The following CYP20A1 variants were observed in gnomAD, a reference collection of about 807,000 sequenced individuals.
CYP20A1 encodes cytochrome P450 family 20 subfamily A member 1.
In CYP20A1, 61 loss-of-function variants were observed where a neutral mutation model predicts 61.4. The ratio of observed to expected loss-of-function variants is 0.99; its 90% CI spans 0.81 to 1.23. CYP20A1 has a LOEUF of 1.23. Ranked by LOEUF, CYP20A1 falls within the 50% of genes most tolerant of loss-of-function variation. CYP20A1 has a pLI of 0.00. For synonymous variants in CYP20A1, 193 were observed against 188.2 expected, an observed-to-expected ratio of 1.03 and a Z score of -0.21; for missense variants, 530 against 542.4, an observed-to-expected ratio of 0.98 and a Z score of 0.23.
At chr2:203,249,674 GTC>G (rs749505147) in intron 3 of CYP20A1, among the ~76,000 whole-genome samples, 1 of 151,852 alleles carries the variant, frequency 6.6e-6, no homozygotes, top group Non-Finnish European at 1.5e-5. Context: ...GTGAAACCCC[GTC>G]TCTACTAAAA....
chr2:203,280,963 T>G (rs1016293238), intron 8 of CYP20A1, among the ~76,000 whole-genome samples: 2 of 152,162 alleles, frequency 1.3e-5, no homozygotes, highest in Non-Finnish European at 2.9e-5. Flanking sequence ...TGCTTTCCAC[T>G]TTGACTCCAA....
chr2:203,245,937 C>T (rs778734395), intron 2 of CYP20A1, 42 bp downstream of exon 2: 1 of 1,270,806 alleles, frequency 7.9e-7, no homozygotes, highest in African/African-American at 1.5e-5. Flanking sequence ...GTTAATTCTT[C>T]ATTATTGATA....
chr2:203,263,999 G>A (rs1008260795), intron 4 of CYP20A1, among the ~76,000 whole-genome samples: 4 of 151,900 alleles, frequency 2.6e-5, no homozygotes, highest in Admixed American at 1.3e-4. Flanking sequence ...TGTGGGGGGC[G>A]TGGGTGTTTT....
chr2:203,252,930 G>A (rs142408253), intron 4 of CYP20A1, among the ~76,000 whole-genome samples: 36 of 152,126 alleles, frequency 2.4e-4, no homozygotes, highest in Non-Finnish European at 4.6e-4. Context: ...GGTGGTGAGA[G>A]TGGCCACCCA....
Position 203,278,575 on chromosome 2 carries a change from C to T in CYP20A1, c.682C>T (p.Leu228Phe), listed in dbSNP as rs2067917105. ...MTRKKQYEDA[L>F]MQLESVLRNI... is the part of the protein sequence containing the mutation. ...ATTATTTTGTTTTTTTCTCTAAGCC[C>T]TCATGCAACTGGAGTCTGTTTTAAG... Residue 228 changes from leucine to phenylalanine, a missense_variant and splice_region_variant, in exon 7 of 13, where the codon CTC (leucine) becomes TTC (phenylalanine). Leu to Phe is a conservative substitution (Grantham distance 22, BLOSUM62 0). Transcript: ENST00000356079. 2.0e-6 allele frequency: 3 copies of T among 1,530,378 alleles called. No individual in the cohort carries two copies. The highest frequency in any genetic ancestry group is 2.8e-5 in the African/African-American group (2 of 71,702). The allele number at this position is 1,530,378 out of a possible 1,614,324, so 94.8% of individuals were successfully genotyped here.
intron 11 of CYP20A1, among the ~76,000 whole-genome samples, chr2:203,295,330 G>A (rs1178431650): frequency 6.6e-5 from 10 of 151,304 alleles, no homozygotes; most frequent in South Asian, 2.1e-4. Context: ...CCACCTTGGC[G>A]TCACAAAGTG....
intron 3 of CYP20A1, among the ~76,000 whole-genome samples, chr2:203,249,813 C>G (rs771330890): frequency 5.3e-5 from 8 of 152,090 alleles, no homozygotes; most frequent in Non-Finnish European, 1.0e-4. Context: ...CCATTGCACT[C>G]CAACCTGGAT....
intron 11 of CYP20A1, among the ~76,000 whole-genome samples, chr2:203,295,364 T>C (rs371846100): frequency 6.6e-6 from 1 of 152,152 alleles, no homozygotes; most frequent in East Asian, 1.9e-4. Flanking sequence ...CGTGAGCCAC[T>C]GTGTCCAGCC....
At chr2:203,282,311 C>T (rs757506768) in intron 8 of CYP20A1, among the ~76,000 whole-genome samples, 6 of 151,970 alleles carry the variant, frequency 3.9e-5, no homozygotes, top group Non-Finnish European at 5.9e-5. Flanking sequence ...AGTCGTGAGC[C>T]ACCACGTCCT....
At chr2:203,260,631 GC>G (rs1476202133) in intron 4 of CYP20A1, among the ~76,000 whole-genome samples, 1 of 152,156 alleles carries the variant, frequency 6.6e-6, no homozygotes. Flanking sequence ...TGATCCTCCA[GC>G]CTCAGCCTCC....
chr2:203,296,490 T>A lies in CYP20A1; in HGVS notation c.1165T>A (p.Phe389Ile). The A allele has an allele frequency of 6.2e-7, 1 of 1,611,764 alleles. No individual in the cohort carries two copies. Among genetic ancestry groups the A allele is most frequent in the South Asian group, 1.1e-5 (1 of 90,674 alleles). ...TCTTTGTAGGTTTGATCCAGATCGG[T>A]TTGATGATGAATTAGTAATGAAAAC... Reference protein sequence around the residue: ...PSPHKFDPDRFDDELVMKTFS... With the variant: ...PSPHKFDPDRIDDELVMKTFS... The change falls in exon 12 of 13, where the codon TTT becomes ATT. Residue 389 changes from phenylalanine (F) to isoleucine (I), a missense_variant. Transcript: ENST00000356079.
intron 4 of CYP20A1, among the ~76,000 whole-genome samples, chr2:203,252,964 C>T (rs2066750799): frequency 6.6e-6 from 1 of 151,978 alleles, no homozygotes; most frequent in Non-Finnish European, 1.5e-5. Context: ...GGTGGCGAGC[C>T]ATTTTCGTCA....
intron 4 of CYP20A1, among the ~76,000 whole-genome samples, chr2:203,264,021 A>G (rs897167578): frequency 2.6e-5 from 4 of 151,828 alleles, no homozygotes; most frequent in Non-Finnish European, 4.4e-5. Context: ...TTTTTGTTTT[A>G]GAGACATTTC....
intron 5 of CYP20A1, among the ~76,000 whole-genome samples, chr2:203,268,845 C>T (rs1266420457): frequency 6.6e-6 from 1 of 151,984 alleles, no homozygotes; most frequent in African/African-American, 2.4e-5. Flanking sequence ...GTCTGAAATA[C>T]CAAGGGATGG....
At chr2:203,267,167 AAATAAT>A (rs951643535) in intron 5 of CYP20A1, among the ~76,000 whole-genome samples, 40 of 152,104 alleles carry the variant, frequency 2.6e-4, no homozygotes, top group African/African-American at 8.0e-4. Flanking sequence ...TGTCTCTAAA[AAATAAT>A]AATAATAAAT....
At chr2:203,256,517 G>A (rs898379958) in intron 4 of CYP20A1, among the ~76,000 whole-genome samples, 3 of 151,860 alleles carry the variant, frequency 2.0e-5, no homozygotes, top group Non-Finnish European at 2.9e-5. Flanking sequence ...ATGCCACAAC[G>A]CCCGGTAATT....
chr2:203,289,744 A>G (rs1226768239), intron 9 of CYP20A1, 21 bp from the exon 10 acceptor site: 1 of 1,495,988 alleles, frequency 6.7e-7, no homozygotes, highest in Non-Finnish European at 9.1e-7. Context: ...AACATCTTCA[A>G]AAAAAATTTT....
Position 203,292,340 on chromosome 2 carries a change from G to T in CYP20A1, c.1148+14G>T. 2 of 1,595,196 alleles carry T rather than the reference G, an allele frequency of 1.3e-6. No homozygotes were observed. The highest frequency in any genetic ancestry group is 1.7e-6 in the Non-Finnish European group (2 of 1,164,056). ...ATCTCCACACAAGTATGAAATATTT[G>T]TCATTGTATTTGTGACTGTCAGTTT... On this transcript the variant is annotated intron_variant, in intron 11 of 12. Transcript: ENST00000356079.
At chr2:203,272,778 G>T in intron 6 of CYP20A1, 30 bp downstream of exon 6, 1 of 1,358,486 alleles carries the variant, frequency 7.4e-7, no homozygotes, top group South Asian at 1.3e-5. Context: ...TTTTAGTGAG[G>T]ACAAAAAATA....
Sources: allele counts gnomAD v4.1 joint callset (sites outside exome capture counted in the v4.1 genomes callset), GRCh38; gene constraint gnomAD v4.1.1; transcripts MANE v1.5; gene names NCBI Gene and HGNC (gene_info 2026-07-23, HGNC 2026-07-21).